Variants in HDAC4 observed in about 807,000 individuals in gnomAD.
HDAC4 encodes the protein histone deacetylase 4.
HDAC4 carries 16 observed loss-of-function variants against 135.1 expected under a neutral mutation model. The ratio of observed to expected loss-of-function variants is 0.12; its 90% CI spans 0.08 to 0.18. The LOEUF (loss-of-function observed/expected upper bound fraction) is 0.18. Among genes scored for constraint, HDAC4 ranks in the 10% least tolerant of loss-of-function variants. HDAC4 has a pLI of 1.00. For synonymous variants in HDAC4, 685 were observed against 653.4 expected, an observed-to-expected ratio of 1.05 and a Z score of -0.74; for missense variants, 1,143 against 1,511.8, an observed-to-expected ratio of 0.76 and a Z score of 4.05.
At position 239,267,522 on chromosome 2, in the gene HDAC4, G is replaced by A. The variant is rs528328805; in HGVS notation, c.23-30858C>T. Among the ~76,000 whole-genome samples the A allele has an allele frequency of 9.2e-4, 140 of 152,370 alleles. 1 individual carries two copies. The highest frequency in any genetic ancestry group is 1.6e-3 in the Non-Finnish European group (107 of 68,028). ...CAGCAAAAATCTACAACTGTTCCCG[G>A]AAGGGCTTGGCACAGCTATAGAGAG... On this transcript the variant is annotated intron_variant, in intron 2 of 26. Coordinates refer to ENST00000543185, the MANE Select transcript of HDAC4 (RefSeq NM_001378414.1).
chr2:239,323,705 G>A (rs1167263754), intron 2 of HDAC4, among the ~76,000 whole-genome samples: 1 of 152,056 alleles, frequency 6.6e-6, no homozygotes, highest in East Asian at 1.9e-4. Flanking sequence ...TCATGTCTCC[G>A]CCCAATCTGG....
Position 239,157,327 on chromosome 2 carries a change from C to T in HDAC4, c.612-554G>A, listed in dbSNP as rs541005626. Among the ~76,000 whole-genome samples, 7 of 152,288 alleles carry T rather than the reference C, an allele frequency of 4.6e-5. No individual in the cohort carries two copies. In the East Asian group the frequency reaches 1.2e-3, roughly 26 times the overall value. On this transcript the variant is annotated intron_variant, in intron 6 of 26. Transcript: ENST00000543185. The stretch of plus-strand genomic sequence containing the variant: ...GCACCCATCGTCATCCGTGCCTTCA[C>T]CAAACTCACCCTGGTCACCTCCCTC...
chr2:239,107,999 C>T, intron 15 of HDAC4, 51 bp downstream of exon 15: 2 of 1,608,214 alleles, frequency 1.2e-6, no homozygotes, highest in East Asian at 4.5e-5. Context: ...CGAGGGTCCC[C>T]TCTAATGGTG....
chr2:239,092,220 C>T (rs965255372), intron 17 of HDAC4, among the ~76,000 whole-genome samples: 1 of 145,484 alleles, frequency 6.9e-6, no homozygotes, highest in Non-Finnish European at 1.5e-5. Flanking sequence ...GTCTGGGTAA[C>T]AGACTGAAGC....
At chr2:239,269,990 C>T (rs2049971359) in intron 2 of HDAC4, among the ~76,000 whole-genome samples, 1 of 151,994 alleles carries the variant, frequency 6.6e-6, no homozygotes, top group Non-Finnish European at 1.5e-5. Flanking sequence ...CCCCGCCCCC[C>T]AAAATGATGT....
intron 1 of HDAC4, among the ~76,000 whole-genome samples, chr2:239,375,789 C>A (rs1173749121): frequency 6.6e-6 from 1 of 152,192 alleles, no homozygotes; most frequent in Non-Finnish European, 1.5e-5. Context: ...CCCCAGGGGG[C>A]CTGGGGAGTC....
intron 11 of HDAC4, among the ~76,000 whole-genome samples, chr2:239,133,615 C>T (rs750744125): frequency 1.5e-4 from 23 of 152,088 alleles, no homozygotes; most frequent in Admixed American, 1.4e-3. Context: ...TACAGGTGTG[C>T]GCCACCACGC....
At chr2:239,347,963 C>T (rs541090312) in intron 2 of HDAC4, among the ~76,000 whole-genome samples, 86 of 150,836 alleles carry the variant, frequency 5.7e-4, no homozygotes, top group African/African-American at 2.1e-3. Flanking sequence ...CCAGCAAATC[C>T]ACGTCCCAGC....
intron 19 of HDAC4, among the ~76,000 whole-genome samples, chr2:239,084,551 A>G (rs1001572742): frequency 5.9e-5 from 9 of 151,744 alleles, no homozygotes; most frequent in Non-Finnish European, 1.3e-4. Flanking sequence ...ACCGACACGG[A>G]CATGCACACA....
At chr2:239,130,811 G>C (rs1326953862) in intron 11 of HDAC4, among the ~76,000 whole-genome samples, 1 of 152,142 alleles carries the variant, frequency 6.6e-6, no homozygotes, top group African/African-American at 2.4e-5. Context: ...CCTGTCTCTC[G>C]GGTCCTGACA....
intron 2 of HDAC4, among the ~76,000 whole-genome samples, chr2:239,237,436 T>C (rs2047944741): frequency 6.6e-6 from 1 of 152,126 alleles, no homozygotes; most frequent in African/African-American, 2.4e-5. Flanking sequence ...TGCAATAATA[T>C]GCATATCATT....
At chr2:239,237,962 CT>C (rs2047981067) in intron 2 of HDAC4, among the ~76,000 whole-genome samples, 1 of 152,206 alleles carries the variant, frequency 6.6e-6, no homozygotes, top group Non-Finnish European at 1.5e-5. Flanking sequence ...AACAGTTCTG[CT>C]TCCCTGGGTC....
intron 3 of HDAC4, among the ~76,000 whole-genome samples, chr2:239,230,170 C>G (rs557819396): frequency 5.3e-5 from 8 of 152,018 alleles, no homozygotes; most frequent in African/African-American, 1.9e-4. Flanking sequence ...TCTAAGGAGG[C>G]CTGTCCAACC....
At chr2:239,198,169 G>A (rs2153066356) in intron 3 of HDAC4, among the ~76,000 whole-genome samples, 1 of 152,234 alleles carries the variant, frequency 6.6e-6, no homozygotes. Context: ...TCCCTGTGGA[G>A]TCTCTGTTTG....
chr2:239,081,762 C>G (rs1234643883), intron 21 of HDAC4, among the ~76,000 whole-genome samples: 1 of 152,146 alleles, frequency 6.6e-6, no homozygotes, highest in African/African-American at 2.4e-5. Flanking sequence ...TGGACAGAGC[C>G]CCTTGCCGGA....
chr2:239,173,141 T>C (rs1232814915), intron 5 of HDAC4, among the ~76,000 whole-genome samples: 1 of 152,174 alleles, frequency 6.6e-6, no homozygotes, highest in Non-Finnish European at 1.5e-5. Context: ...AGAGGAATGA[T>C]GCTTAACTCA....
At chr2:239,198,820 T>G (rs3791580) in intron 3 of HDAC4, among the ~76,000 whole-genome samples, 18,992 of 152,152 alleles carry the variant, frequency 0.12, 1,400 homozygotes, top group East Asian at 0.29. Flanking sequence ...CACAAAAGCA[T>G]GAAGAATAGT....
At chr2:239,231,717 G>A (rs1376396084) in intron 3 of HDAC4, among the ~76,000 whole-genome samples, 3 of 24,592 alleles carry the variant, frequency 1.2e-4, no homozygotes, top group African/African-American at 3.3e-4. Context: ...TCCCCAAAGC[G>A]CCCCTGTCCT....
At chr2:239,361,817 T>C (rs1445705461) in intron 1 of HDAC4, among the ~76,000 whole-genome samples, 1 of 152,198 alleles carries the variant, frequency 6.6e-6, no homozygotes, top group African/African-American at 2.4e-5. Flanking sequence ...AATTAAATGG[T>C]TTAATAAGAC....
Sources: allele counts gnomAD v4.1 joint callset (sites outside exome capture counted in the v4.1 genomes callset), GRCh38; gene constraint gnomAD v4.1.1; transcripts MANE v1.5; gene names NCBI Gene and HGNC (gene_info 2026-07-23, HGNC 2026-07-21).